RFX5: variants seen among roughly 807,000 people sequenced by gnomAD.
RFX5 encodes regulatory factor X5, also known as DNA-binding protein RFX5.
In RFX5, 30 loss-of-function variants were observed where a neutral mutation model predicts 41.2. That is an observed-to-expected ratio of 0.73 (90% CI 0.54 to 0.99). The LOEUF (loss-of-function observed/expected upper bound fraction) is 0.99, where lower values mean the gene tolerates loss of function less well. Among genes scored for constraint, RFX5 ranks in the 50% least tolerant of loss-of-function variants. The probability of loss-of-function intolerance (pLI) is 0.00; values close to 1 mark genes in which losing one functional copy is unlikely to be tolerated. For missense variants in RFX5, 715 were observed against 773.6 expected (o/e 0.92, Z 0.90); for synonymous variants, 231 against 291.8 (o/e 0.79, Z 2.12).
chr1:151,345,299 G>C, intron 4 of RFX5, 111 bp from the exon 5 acceptor site: 1 of 837,986 alleles, frequency 1.2e-6, no homozygotes, highest in Non-Finnish European at 2.0e-6. Context: ...GTGTCAGACT[G>C]AAAAAGGACC....
At chr1:151,344,312 G>C (rs1337266377) in intron 7 of RFX5, 34 bp from the exon 8 acceptor site, 1 of 1,613,614 alleles carries the variant, frequency 6.2e-7, no homozygotes, top group Admixed American at 1.7e-5. Flanking sequence ...AACACATGGC[G>C]ATCTCCAAGC....
rs1052877131 is a variant in RFX5, at chr1:151,340,759, T to A, written c.*1427A>T. The A allele has an allele frequency of 3.9e-5, 6 of 152,740 alleles. No individual in the cohort carries two copies. Among genetic ancestry groups the A allele is most frequent in the Non-Finnish European group, 8.8e-5 (6 of 68,030 alleles). 9.5% of individuals were successfully genotyped at this position (152,740 alleles called of 1,614,324 possible). A position where few individuals can be genotyped will look rare whatever the true frequency, so the allele number is the denominator to read the frequency against. The stretch of plus-strand genomic sequence containing the variant: ...GATATCAAATATTACATATTATAAT[T>A]TCTTAAAATCTGCTGTGGTGGAAAT... On this transcript the variant is annotated 3_prime_UTR_variant, in exon 11 of 11. Coordinates refer to ENST00000452671, the MANE Select transcript of RFX5 (RefSeq NM_001025603.2).
chr1:151,344,409 A>G lies in RFX5; in HGVS notation c.473+8T>C. On this transcript the variant is annotated splice_region_variant and intron_variant, in intron 7 of 10. Transcript: ENST00000452671. ...TCCTCCACCCCCAACCTCTCTAGTC[A>G]AGGATACTTGGACTGGCCCCGGCCA... 1.2e-6 allele frequency: 2 copies of G among 1,614,186 alleles called. No homozygotes were observed. The highest frequency in any genetic ancestry group is 1.7e-5 in the Admixed American group (1 of 60,024).
At position 151,345,954 on chromosome 1, in the gene RFX5, C is replaced by T. The variant is rs773959553; in HGVS notation, c.124G>A (p.Val42Met). ...QRLRGTISKA[V>M]QNKVEGILQD... Reference sequence around the variant, plus strand: ...AGGATCCCCTCTACTTTGTTCTGCACGGCCTTGCTGTGGGGAAGAGGAGAA... The same window carrying T: ...AGGATCCCCTCTACTTTGTTCTGCATGGCCTTGCTGTGGGGAAGAGGAGAA... The change falls in exon 4 of 11, where the codon GTG becomes ATG. Residue 42 changes from valine to methionine, a missense_variant. Val to Met is a conservative substitution (Grantham distance 21). Transcript: ENST00000452671. The T allele has an allele frequency of 5.0e-6, 8 of 1,614,048 alleles. No homozygotes were observed. The highest frequency in any genetic ancestry group is 2.2e-5 in the East Asian group (1 of 44,900).
chr1:151,343,197 AAC>A lies in RFX5; in HGVS notation c.859-21_859-20del. The A allele has an allele frequency of 6.2e-7, 1 of 1,611,022 alleles. No individual in the cohort carries two copies. The highest frequency in any genetic ancestry group is 1.1e-5 in the South Asian group (1 of 90,978). ...TAGGAGGCTAAAAAGTAAAGAGAGG[AAC>A]ACAGTAAGGTGTGAAGAATGAGTAT... is the stretch of plus-strand genomic sequence containing the variant. On this transcript the variant is annotated intron_variant, in intron 10 of 10. Transcript: ENST00000452671.
Position 151,341,111 on chromosome 1 carries a change from C to T in RFX5, c.*1075G>A, listed in dbSNP as rs1650411339. On this transcript the variant is annotated 3_prime_UTR_variant, in exon 11 of 11. Transcript: ENST00000452671. ...AAGTCTTTCACTCTAGTTGGTGGAA[C>T]TGGCAATAGGGTGAGAGGGAAGCAG... 1 of 152,248 alleles carries T rather than the reference C, an allele frequency of 6.6e-6. No homozygotes were observed. The highest frequency in any genetic ancestry group is 2.4e-5 in the African/African-American group (1 of 41,396). 9.4% of individuals were successfully genotyped at this position (152,248 alleles called of 1,614,324 possible). A position where few individuals can be genotyped will look rare whatever the true frequency, so the allele number is the denominator to read the frequency against.
intron 4 of RFX5, chr1:151,345,461 A>G: frequency 2.6e-6 from 1 of 382,402 alleles, no homozygotes. Context: ...TACAAAAAAA[A>G]ATTAGCTGGG....
Position 151,342,501 on chromosome 1 carries a change from A to C in RFX5, c.1536T>G (p.Ala512=), listed in dbSNP as rs751751399. 6.2e-6 allele frequency: 10 copies of C among 1,613,886 alleles called. No individual in the cohort carries two copies. The highest frequency in any genetic ancestry group is 8.5e-6 in the Non-Finnish European group (10 of 1,179,912). ...TTGGCCCTGGCCTCTCTGCCCCTCC[A>C]GCTGAGTTGCCTTCCCCTCCTGAGC... ...TWGSGGEGNS[A]GGAERPGPMG... Residue 512 remains alanine, a synonymous_variant, in exon 11 of 11, where the codon GCT becomes GCG. Coordinates refer to ENST00000452671, the MANE Select transcript of RFX5 (RefSeq NM_001025603.2).
At position 151,342,587 on chromosome 1, in the gene RFX5, G is replaced by A. The variant is rs557631928; in HGVS notation, c.1450C>T (p.Leu484Phe). Residue 484 changes from leucine (L) to phenylalanine (F), a missense_variant, in exon 11 of 11, where the codon CTC becomes TTC. Physicochemically the swap from Leu to Phe is conservative, Grantham distance 22 (BLOSUM62 0). Coordinates refer to ENST00000452671, the MANE Select transcript of RFX5 (RefSeq NM_001025603.2). ...GATTCCATGGCAGCTGCTGACTTGAGAGGGGTAGAATTCCTTTCCCCACTT... is the reference window on the plus strand; with the variant it reads ...GATTCCATGGCAGCTGCTGACTTGAAAGGGGTAGAATTCCTTTCCCCACTT... The part of the protein sequence containing the change: ...GGSGERNSTP[L>F]KSAAAMESAQ... 6.2e-7 allele frequency: 1 copy of A among 1,614,196 alleles called. No individual in the cohort carries two copies. Among genetic ancestry groups the A allele is most frequent in the South Asian group, 1.1e-5 (1 of 91,088 alleles).
chr1:151,343,928 C>A (rs1650757703), intron 8 of RFX5, 46 bp from the exon 9 acceptor site: 1 of 1,590,158 alleles, frequency 6.3e-7, no homozygotes, highest in Non-Finnish European at 8.6e-7. Flanking sequence ...AATTAAAGAA[C>A]CCTTGCCTCC....
Position 151,345,143 on chromosome 1 carries a change from G to T in RFX5, c.196C>A (p.Leu66Ile). 1 of 1,614,042 alleles carries T rather than the reference G, an allele frequency of 6.2e-7. No homozygotes were observed. Among genetic ancestry groups the T allele is most frequent in the South Asian group, 1.1e-5 (1 of 91,076 alleles). ...GTGGTGGGTCCTGAGGGGAGCTGAAGGTAGAGATACAGCTTGTCATTGTCA... is the reference window on the plus strand; with the variant it reads ...GTGGTGGGTCCTGAGGGGAGCTGAATGTAGAGATACAGCTTGTCATTGTCA... ...FSDNDKLYLY[L>I]QLPSGPTTGD... is the part of the protein sequence containing the mutation. Residue 66 changes from leucine (L) to isoleucine (I), a missense_variant, in exon 5 of 11, where the codon CTT (leucine) becomes ATT (isoleucine). Transcript: ENST00000452671.
Position 151,344,418 on chromosome 1 carries a change from T to C in RFX5, c.472A>G (p.Lys158Glu), listed in dbSNP as rs900663763. 2 of 1,614,088 alleles carry C rather than the reference T, an allele frequency of 1.2e-6. No individual in the cohort carries two copies. The highest frequency in any genetic ancestry group is 1.1e-5 in the South Asian group (1 of 91,090). Residue 158 changes from lysine to glutamate, a missense_variant and splice_region_variant, in exon 7 of 11, where the codon AAA (lysine) becomes GAA (glutamate). Coordinates refer to ENST00000452671, the MANE Select transcript of RFX5 (RefSeq NM_001025603.2). ...CCCAACCTCTCTAGTCAAGGATACT[T>C]GGACTGGCCCCGGCCACCAAGCCTT... ...ARRLGGRGQS[K>E]YCYSGIRRKT...
Position 151,342,539 on chromosome 1 carries a change from A to G in RFX5, c.1498T>C (p.Trp500Arg). Residue 500 changes from tryptophan to arginine, a missense_variant, in exon 11 of 11, where the codon TGG becomes CGG. Transcript: ENST00000452671. Reference protein sequence around the residue: ...MESAQSSRLPWETWGSGGEGN... With the variant: ...MESAQSSRLPRETWGSGGEGN... Reference sequence around the variant, plus strand: ...TCCCCTCCTGAGCCCCATGTCTCCCATGGTAACCTTGAGGACTGGGCAGAT... The same window carrying G: ...TCCCCTCCTGAGCCCCATGTCTCCCGTGGTAACCTTGAGGACTGGGCAGAT... 1.2e-6 allele frequency: 2 copies of G among 1,613,946 alleles called. No homozygotes were observed. Among genetic ancestry groups the G allele is most frequent in the Non-Finnish European group, 8.5e-7 (1 of 1,179,958 alleles).
At position 151,341,133 on chromosome 1, in the gene RFX5, G is replaced by C. The variant is rs1480765571; in HGVS notation, c.*1053C>G. On this transcript the variant is annotated 3_prime_UTR_variant, in exon 11 of 11. Transcript: ENST00000452671. ...GAACTGGCAATAGGGTGAGAGGGAA[G>C]CAGGAATGAGAAGACAAAAATTAAG... 6.6e-6 allele frequency: 1 copy of C among 152,272 alleles called. No individual in the cohort carries two copies. Among genetic ancestry groups the C allele is most frequent in the East Asian group, 1.9e-4 (1 of 5,202 alleles). The allele number at this position is 152,272 out of a possible 1,614,324, so 9.4% of individuals were successfully genotyped here.
intron 6 of RFX5, 25 bp downstream of exon 6, chr1:151,344,703 T>TCCCCCCCCCCCCCCCCCCCCCCCCC: frequency 6.6e-7 from 1 of 1,515,660 alleles, no homozygotes; most frequent in Non-Finnish European, 8.9e-7. Flanking sequence ...AATCCACTCA[T>TCCCCCCCCCCCCCCCCCCCCCCCCC]CCCACCACCC....
intron 4 of RFX5, chr1:151,345,407 A>C: frequency 1.1e-5 from 5 of 459,948 alleles, no homozygotes; most frequent in South Asian, 1.0e-4. Context: ...CAGGAGATCG[A>C]GACCATCCTG....
intron 9 of RFX5, 65 bp downstream of exon 9, chr1:151,343,616 G>C: frequency 6.5e-7 from 1 of 1,543,916 alleles, no homozygotes; most frequent in Non-Finnish European, 8.9e-7. Flanking sequence ...ATTCTAGTGT[G>C]TGGGAGGGCC....
At chr1:151,344,989 CCTTTCCTCTTCA>C in intron 5 of RFX5, 105 bp downstream of exon 5, 1 of 1,544,352 alleles carries the variant, frequency 6.5e-7, no homozygotes, top group Non-Finnish European at 8.9e-7. Context: ...AGGGCGAGGA[CCTTTCCTCTTCA>C]TCAAGGACAG....
chr1:151,346,479 C>T lies in RFX5; in HGVS notation c.-14+10G>A, dbSNP rs2102072138. 1.6e-6 allele frequency: 1 copy of T among 629,138 alleles called. No homozygotes were observed. The highest frequency in any genetic ancestry group is 2.8e-5 in the East Asian group (1 of 36,254). The allele number at this position is 629,138 out of a possible 1,614,324, so 39.0% of individuals were successfully genotyped here. A position where few individuals can be genotyped will look rare whatever the true frequency, so the allele number is the denominator to read the frequency against. Reference sequence around the variant, plus strand: ...CGAATTTCCCCGGTGGTCTTTTTCTCACCACTTGCCTTCTCCGAAAATTAG... The same window carrying T: ...CGAATTTCCCCGGTGGTCTTTTTCTTACCACTTGCCTTCTCCGAAAATTAG... On this transcript the variant is annotated intron_variant, in intron 2 of 10. Transcript: ENST00000452671.
Sources: gnomAD v4.1 joint callset for allele counts on GRCh38, gnomAD v4.1.1 for gene constraint, MANE v1.5 for transcripts, NCBI Gene and HGNC (gene_info 2026-07-23, HGNC 2026-07-21) for gene names.